Variants in RBBP8 observed in about 807,000 individuals in gnomAD.
The protein encoded by RBBP8 is DNA endonuclease RBBP8.
A neutral mutation model predicts 108.3 loss-of-function variants in RBBP8; 88 were observed. The ratio of observed to expected loss-of-function variants is 0.81; its 90% CI spans 0.68 to 0.97. The LOEUF is 0.97. Ranked by LOEUF, RBBP8 falls within the 50% of genes least tolerant of loss-of-function variation. The pLI, the probability that RBBP8 is intolerant of heterozygous loss-of-function variation, is 0.00. For missense variants in RBBP8, 1,023 were observed against 1,049.0 expected (o/e 0.98, Z 0.34); for synonymous variants, 332 against 348.2 (o/e 0.95, Z 0.52).
At chr18:22,965,962 T>C (rs1307647103) in intron 4 of RBBP8, among the ~76,000 whole-genome samples, 1 of 152,240 alleles carries the variant, frequency 6.6e-6, no homozygotes, top group Non-Finnish European at 1.5e-5. Context: ...TTATTTTATT[T>C]ATTTAAATTG....
intron 3 of RBBP8, among the ~76,000 whole-genome samples, chr18:22,921,425 G>T (rs1909589248): frequency 6.6e-6 from 1 of 152,188 alleles, no homozygotes. Context: ...TTGCATACTT[G>T]TTTCTATTGG....
intron 18 of RBBP8, among the ~76,000 whole-genome samples, chr18:23,024,903 A>G (rs951383638): frequency 6.6e-5 from 10 of 152,208 alleles, no homozygotes; most frequent in African/African-American, 2.4e-4. Flanking sequence ...ATAAATGTCA[A>G]ATGATAAAAT....
At chr18:22,995,554 A>G (rs1476336066) in intron 12 of RBBP8, among the ~76,000 whole-genome samples, 1 of 152,192 alleles carries the variant, frequency 6.6e-6, no homozygotes, top group Non-Finnish European at 1.5e-5. Flanking sequence ...CATTTTCATC[A>G]CTTTCCTTCC....
intron 6 of RBBP8, among the ~76,000 whole-genome samples, chr18:22,975,641 C>G (rs1188475313): frequency 2.0e-5 from 3 of 151,886 alleles, no homozygotes; most frequent in South Asian, 4.2e-4. Context: ...CTCCCCATTT[C>G]TCTTAAAGAA....
intron 3 of RBBP8, among the ~76,000 whole-genome samples, chr18:22,927,634 T>G (rs771466118): frequency 9.2e-5 from 14 of 152,194 alleles, no homozygotes; most frequent in Non-Finnish European, 1.8e-4. Context: ...GTAAAAAGTC[T>G]CATTAATTTT....
At chr18:22,947,436 T>C (rs945026773) in intron 3 of RBBP8, among the ~76,000 whole-genome samples, 1 of 151,356 alleles carries the variant, frequency 6.6e-6, no homozygotes, top group Non-Finnish European at 1.5e-5. Context: ...GCTGCATAGG[T>C]ATGTAAAAGA....
At chr18:22,922,582 C>T (rs1236856194) in intron 3 of RBBP8, among the ~76,000 whole-genome samples, 1 of 152,134 alleles carries the variant, frequency 6.6e-6, no homozygotes, top group African/African-American at 2.4e-5. Flanking sequence ...CCCACCTCAG[C>T]CTATGGAGTA....
chr18:23,009,516 T>C (rs150409809), intron 16 of RBBP8, among the ~76,000 whole-genome samples: 180 of 149,436 alleles, frequency 1.2e-3, no homozygotes, highest in Non-Finnish European at 1.8e-3. Context: ...ACATAAAGTA[T>C]AATGTATTTT....
In RBBP8 at chr18:22,986,798, CAT is replaced by C. The variant is rs371118831; in HGVS notation, c.709+1809_709+1810del. Among the ~76,000 whole-genome samples the C allele has an allele frequency of 1.8e-3, 279 of 152,212 alleles. 1 individual carries two copies. The highest frequency in any genetic ancestry group is 5.7e-3 in the African/African-American group (235 of 41,530). On this transcript the variant is annotated intron_variant, in intron 8 of 18. Coordinates refer to ENST00000327155, the MANE Select transcript of RBBP8 (RefSeq NM_002894.3). ...AAAGCTACAAATCATTTTATATTAA[CAT>C]GTGTGTCTGTTTGTCTGTCCATGAG...
At chr18:22,928,554 A>T (rs1393171786), upstream of RBBP8, among the ~76,000 whole-genome samples, 2 of 152,234 alleles carry the variant, frequency 1.3e-5, no homozygotes, top group East Asian at 3.8e-4. Context: ...AGAGGAATAA[A>T]AGCAGTTTCC....
intron 4 of RBBP8, among the ~76,000 whole-genome samples, chr18:22,963,085 T>C (rs950032586): frequency 5.9e-5 from 9 of 152,084 alleles, no homozygotes; most frequent in Non-Finnish European, 1.0e-4. Context: ...ACAAACATAA[T>C]TAAGTTCTCC....
intron 4 of RBBP8, among the ~76,000 whole-genome samples, chr18:22,955,199 A>G (rs573185287): frequency 6.6e-6 from 1 of 152,212 alleles, no homozygotes; most frequent in African/African-American, 2.4e-5. Flanking sequence ...CCTCAGGTAC[A>G]TGGGCCTGTA....
In RBBP8 at chr18:22,993,110, C is replaced by T; in HGVS notation, c.1283C>T (p.Ser428Phe). 1 of 1,614,044 alleles carries T rather than the reference C, an allele frequency of 6.2e-7. No homozygotes were observed. Among genetic ancestry groups the T allele is most frequent in the Non-Finnish European group, 8.5e-7 (1 of 1,179,954 alleles). Residue 428 changes from serine (S) to phenylalanine (F), a missense_variant, in exon 11 of 19, where the codon TCT becomes TTT. Coordinates refer to ENST00000327155, the MANE Select transcript of RBBP8 (RefSeq NM_002894.3). ...AATAGGACTGAGTACGGTAAAGATTCTAACACTGATAAACATTTGGAGCCC... is the reference window on the plus strand; with the variant it reads ...AATAGGACTGAGTACGGTAAAGATTTTAACACTGATAAACATTTGGAGCCC... ...EQNRTEYGKD[S>F]NTDKHLEPLK...
At chr18:23,016,659 C>A in intron 16 of RBBP8, 169 bp from the exon 17 acceptor site, 1 of 618,528 alleles carries the variant, frequency 1.6e-6, no homozygotes, top group South Asian at 1.9e-5. Flanking sequence ...GAAAAAAATA[C>A]CCATAAAAAT....
chr18:23,011,145 T>C (rs1382151931), intron 16 of RBBP8, among the ~76,000 whole-genome samples: 1 of 152,236 alleles, frequency 6.6e-6, no homozygotes, highest in Non-Finnish European at 1.5e-5. Context: ...AAAACTTTTC[T>C]TTTTGAGGGA....
At chr18:22,987,046 T>C (rs1438587915) in intron 8 of RBBP8, among the ~76,000 whole-genome samples, 2 of 152,210 alleles carry the variant, frequency 1.3e-5, no homozygotes, top group African/African-American at 4.8e-5. Flanking sequence ...CTTCCATCTT[T>C]AAAAAATAAT....
Position 22,944,684 on chromosome 18 carries a change from C to T in RBBP8, c.110-1760C>T, listed in dbSNP as rs553960949. 3.3e-5 allele frequency among the ~76,000 whole-genome samples: 5 copies of T among 152,048 alleles called. No individual in the cohort carries two copies. In the South Asian group the frequency reaches 6.2e-4, roughly 19 times the overall value. On this transcript the variant is annotated intron_variant, in intron 2 of 18. Coordinates refer to ENST00000327155, the MANE Select transcript of RBBP8 (RefSeq NM_002894.3). ...TTATTCAAATTATAGAGCATAGAAT[C>T]GAAGATAAAATGTGTCATATCAGTT...
intron 17 of RBBP8, among the ~76,000 whole-genome samples, chr18:23,018,534 T>C (rs538431888): frequency 6.6e-6 from 1 of 152,352 alleles, no homozygotes; most frequent in Admixed American, 6.5e-5. Context: ...GTCTCTGATA[T>C]AAAATGGCAT....
chr18:22,929,823 T>C (rs1909956338), upstream of RBBP8, among the ~76,000 whole-genome samples: 1 of 151,994 alleles, frequency 6.6e-6, no homozygotes, highest in Non-Finnish European at 1.5e-5. Flanking sequence ...AGAGTGAAAA[T>C]AGCTTCAGAG....
Sources: allele counts gnomAD v4.1 joint callset (sites outside exome capture counted in the v4.1 genomes callset), GRCh38; gene constraint gnomAD v4.1.1; transcripts MANE v1.5; gene names NCBI Gene and HGNC (gene_info 2026-07-23, HGNC 2026-07-21).